The following ARVCF variants were observed in gnomAD, a reference collection of about 807,000 sequenced individuals.
The protein encoded by ARVCF is splicing regulator ARVCF.
In ARVCF, 66 loss-of-function variants were observed where a neutral mutation model predicts 90.9. The observed-to-expected ratio is 0.73, with a 90% CI of 0.60 to 0.89. The LOEUF (loss-of-function observed/expected upper bound fraction) is 0.89. Ranked by LOEUF, ARVCF falls within the 40% of genes least tolerant of loss-of-function variation. The pLI is 0.00. For synonymous variants in ARVCF, 653 were observed against 603.4 expected, an observed-to-expected ratio of 1.08 and a Z score of -1.21; for missense variants, 1,469 against 1,382.3, an observed-to-expected ratio of 1.06 and a Z score of -1.00.
downstream of ARVCF, chr22:19,968,954 C>T: frequency 1.8e-6 from 1 of 557,684 alleles, no homozygotes; most frequent in South Asian, 2.0e-5. Flanking sequence ...CACTGGCTAG[C>T]TATATTATCT....
At chr22:20,004,903 A>C (rs1944565846) in intron 2 of ARVCF, among the ~76,000 whole-genome samples, 1 of 152,230 alleles carries the variant, frequency 6.6e-6, no homozygotes, top group African/African-American at 2.4e-5. Context: ...AATAGATGAA[A>C]GATCTAAACA....
At chr22:20,009,497 G>C (rs1208814974) in intron 2 of ARVCF, among the ~76,000 whole-genome samples, 1 of 152,250 alleles carries the variant, frequency 6.6e-6, no homozygotes, top group African/African-American at 2.4e-5. Context: ...TTGTCACTGA[G>C]AAACCACAGG....
At chr22:19,988,144 G>A (rs1440157338) in intron 3 of ARVCF, among the ~76,000 whole-genome samples, 3 of 152,190 alleles carry the variant, frequency 2.0e-5, no homozygotes, top group Non-Finnish European at 4.4e-5. Flanking sequence ...AGCCTCCGCA[G>A]GGACCACTCC....
In ARVCF at chr22:19,975,700, G is replaced by A. The variant is rs1943112720; in HGVS notation, c.1946C>T (p.Thr649Ile). 1 of 1,613,690 alleles carries A rather than the reference G, an allele frequency of 6.2e-7. No individual in the cohort carries two copies. Among genetic ancestry groups the A allele is most frequent in the South Asian group, 1.1e-5 (1 of 91,078 alleles). ...AGCCCACTCACCTTTGGCGGCCTCA[G>A]TTCGCTTGGGCAGGTCTAGCGTGTC... is the stretch of plus-strand genomic sequence containing the variant. ...NFDTLDLPKR[T>I]EAAKGFELLY... The change falls in exon 11 of 20, where the codon ACT becomes ATT. Residue 649 changes from threonine (T) to isoleucine (I), a missense_variant. Thr to Ile is a moderately conservative substitution (Grantham distance 89). Coordinates refer to ENST00000263207, the MANE Select transcript of ARVCF (RefSeq NM_001670.3).
intron 2 of ARVCF, among the ~76,000 whole-genome samples, chr22:19,997,203 A>G (rs1357852524): frequency 6.6e-6 from 1 of 152,182 alleles, no homozygotes; most frequent in Non-Finnish European, 1.5e-5. Context: ...GGAGCTGGGA[A>G]GCCTAAGGTT....
chr22:19,973,890 C>G, intron 12 of ARVCF, 97 bp from the exon 13 acceptor site: 2 of 1,516,204 alleles, frequency 1.3e-6, no homozygotes, highest in Non-Finnish European at 1.8e-6. Context: ...TTCCTGCTCC[C>G]GTGCCCGACA....
intron 2 of ARVCF, among the ~76,000 whole-genome samples, chr22:19,993,747 C>T (rs930633036): frequency 6.6e-6 from 1 of 152,254 alleles, no homozygotes; most frequent in Non-Finnish European, 1.5e-5. Flanking sequence ...AGTGACCAGA[C>T]TTCAGGACCA....
intron 13 of ARVCF, 115 bp downstream of exon 13, chr22:19,973,528 C>T (rs2146248066): frequency 1.3e-6 from 2 of 1,486,110 alleles, no homozygotes; most frequent in South Asian, 1.3e-5. Flanking sequence ...AGCGCCCAAG[C>T]GAGAGGGCCG....
At chr22:20,012,200 T>C (rs982310654) in intron 1 of ARVCF, among the ~76,000 whole-genome samples, 6 of 149,292 alleles carry the variant, frequency 4.0e-5, no homozygotes, top group African/African-American at 1.5e-4. Context: ...GTAGAGCCAA[T>C]AGCAGACCCT....
downstream of ARVCF, chr22:19,969,699 C>T: frequency 2.5e-6 from 1 of 404,412 alleles, no homozygotes; most frequent in Non-Finnish European, 3.3e-6. Context: ...CAGCCCACTC[C>T]TATGGATAGA....
chr22:19,974,849 C>G (rs1367243659), intron 11 of ARVCF, among the ~76,000 whole-genome samples: 1 of 152,150 alleles, frequency 6.6e-6, no homozygotes, highest in Non-Finnish European at 1.5e-5. Context: ...CTCCAAGTTC[C>G]CGGGCAACTG....
At chr22:20,015,626 G>C (rs942426701) in intron 1 of ARVCF, among the ~76,000 whole-genome samples, 1 of 152,164 alleles carries the variant, frequency 6.6e-6, no homozygotes, top group Non-Finnish European at 1.5e-5. Flanking sequence ...GAGAAGCTAA[G>C]GTCGGGAGAG....
chr22:19,980,866 C>T (rs1943452495), intron 5 of ARVCF: 1 of 285,724 alleles, frequency 3.5e-6, no homozygotes, highest in Non-Finnish European at 6.5e-6. Context: ...GGTCACATCC[C>T]CACTCCAGAG....
At chr22:19,989,749 G>C (rs550103819) in intron 3 of ARVCF, among the ~76,000 whole-genome samples, 133 of 151,990 alleles carry the variant, frequency 8.8e-4, no homozygotes, top group Non-Finnish European at 1.7e-3. Context: ...AGCCCTCTAG[G>C]GTCACTCTGT....
chr22:19,995,588 C>A (rs2238791), intron 2 of ARVCF, among the ~76,000 whole-genome samples: 55,181 of 152,118 alleles, frequency 0.36, 10,612 homozygotes, highest in Non-Finnish European at 0.44. Context: ...CGACATCTTG[C>A]CAACCCAGAC....
In ARVCF at chr22:19,970,329, C is replaced by A; in HGVS notation, c.*427G>T. On this transcript the variant is annotated 3_prime_UTR_variant, in exon 20 of 20. Transcript: ENST00000263207. Reference sequence around the variant, plus strand: ...GCCTTTAGAAGTCCAAGTTCTTTCCCAGCCCCCTCCCTGCCTAGCTGCCTG... The same window carrying A: ...GCCTTTAGAAGTCCAAGTTCTTTCCAAGCCCCCTCCCTGCCTAGCTGCCTG... 1 of 999,700 alleles carries A rather than the reference C, an allele frequency of 1.0e-6. No homozygotes were observed. 61.9% of individuals were successfully genotyped at this position (999,700 alleles called of 1,614,324 possible).
chr22:19,969,913 T>G lies in ARVCF; in HGVS notation c.*843A>C. 1 of 985,526 alleles carries G rather than the reference T, an allele frequency of 1.0e-6. No homozygotes were observed. Among genetic ancestry groups the G allele is most frequent in the Non-Finnish European group, 1.2e-6 (1 of 829,930 alleles). 61.0% of individuals were successfully genotyped at this position (985,526 alleles called of 1,614,324 possible). A position where few individuals can be genotyped will look rare whatever the true frequency, so the allele number is the denominator to read the frequency against. On this transcript the variant is annotated 3_prime_UTR_variant, in exon 20 of 20. Transcript: ENST00000263207. ...GCAAAAAGTTCCTTTGCTGCTTTAA[T>G]TTTTAAATTTTCTTACAAAAATTTA...
intron 2 of ARVCF, among the ~76,000 whole-genome samples, chr22:19,993,360 G>C (rs968539810): frequency 6.6e-6 from 1 of 152,248 alleles, no homozygotes; most frequent in Admixed American, 6.5e-5. Flanking sequence ...TCAAAATGCT[G>C]TTTTTATATT....
chr22:19,981,950 G>A lies in ARVCF; in HGVS notation c.352C>T (p.Arg118Trp), dbSNP rs372018220. Residue 118 changes from arginine (R) to tryptophan (W), a missense_variant, in exon 4 of 20, where the codon CGG becomes TGG. Physicochemically the swap from Arg to Trp is moderately radical, Grantham distance 101. Coordinates refer to ENST00000263207, the MANE Select transcript of ARVCF (RefSeq NM_001670.3). ...SIVTSEDGTT[R>W]RTETKVTKTV... ...GGCCATACCTTGGTCTCGGTGCGCC[G>A]GGTTGTGCCATCTTCGGATGTGACA... is the stretch of plus-strand genomic sequence containing the variant. 53 of 1,597,994 alleles carry A rather than the reference G, an allele frequency of 3.3e-5. No individual in the cohort carries two copies. Among genetic ancestry groups the A allele is most frequent in the African/African-American group, 7.0e-5 (5 of 71,828 alleles).
Sources: gnomAD v4.1 joint callset for allele counts (sites outside exome capture counted in the v4.1 genomes callset) on GRCh38, gnomAD v4.1.1 for gene constraint, MANE v1.5 for transcripts, NCBI Gene and HGNC (gene_info 2026-07-23, HGNC 2026-07-21) for gene names.